Variants in FAM135A observed in about 807,000 individuals in gnomAD.
FAM135A encodes the protein protein FAM135A.
FAM135A carries 79 observed loss-of-function variants against 146.8 expected under a neutral mutation model. The observed-to-expected ratio is 0.54, with a 90% CI of 0.45 to 0.65. The LOEUF is 0.65. Ranked by LOEUF, FAM135A falls within the 30% of genes least tolerant of loss-of-function variation. The pLI, the probability that FAM135A is intolerant of heterozygous loss-of-function variation, is 0.00. For missense variants in FAM135A, 1,623 were observed against 1,758.2 expected (o/e 0.92, Z 1.38); for synonymous variants, 562 against 603.6 (o/e 0.93, Z 1.01).
intron 20 of FAM135A, among the ~76,000 whole-genome samples, chr6:70,554,980 T>G (rs1001747681): frequency 5.9e-5 from 9 of 152,198 alleles, no homozygotes; most frequent in Admixed American, 5.9e-4. Flanking sequence ...GAATTACAGA[T>G]TTAGCTCATT....
chr6:70,499,156 C>T (rs978598259), intron 11 of FAM135A, among the ~76,000 whole-genome samples: 2 of 152,142 alleles, frequency 1.3e-5, no homozygotes, highest in Non-Finnish European at 2.9e-5. Context: ...AATCTGGGTT[C>T]TCCTGTATTG....
rs1175095185 is a variant in FAM135A at position 70,524,678 on chromosome 6, A to G, written c.1594A>G (p.Asn532Asp). 6 of 1,550,908 alleles carry G rather than the reference A, an allele frequency of 3.9e-6. No individual in the cohort carries two copies. The highest frequency in any genetic ancestry group is 3.6e-5 in the South Asian group (3 of 83,832). ...CAAATGTTTGAAAAGTACAGCATCA[A>G]ATGATCTCATTAAATGCTTTGAAGG... is the stretch of plus-strand genomic sequence containing the variant. ...GYKCLKSTAS[N>D]DLIKCFEGNP... is the part of the protein sequence containing the mutation. The change falls in exon 15 of 22, where the codon AAT (asparagine) becomes GAT (aspartate). Residue 532 changes from asparagine (N) to aspartate (D), a missense_variant. Around this residue, in one of 7 missense-constraint regions of FAM135A, gnomAD observed 1,061 missense variants for 1,113.8 expected, o/e 0.95. Transcript: ENST00000418814.
intron 5 of FAM135A, among the ~76,000 whole-genome samples, chr6:70,465,967 C>T (rs1442074697): frequency 6.6e-6 from 1 of 152,108 alleles, no homozygotes; most frequent in Non-Finnish European, 1.5e-5. Context: ...TCAACAAAGC[C>T]TCTCCTGGTT....
At chr6:70,475,801 C>T (rs1782526512) in intron 7 of FAM135A, 68 bp downstream of exon 7, 2 of 1,242,388 alleles carry the variant, frequency 1.6e-6, no homozygotes, top group Non-Finnish European at 2.3e-6. Flanking sequence ...TTAGATTGCC[C>T]ATTTTCCTCT....
In FAM135A at chr6:70,526,367, G is replaced by C. The variant is rs1262008286; in HGVS notation, c.3283G>C (p.Val1095Leu). Reference sequence around the variant, plus strand: ...GGAGGAAGAGCAGGATCAACAAATGGTTCAAAATGGGTACTATGAAGAAAC... The same window carrying C: ...GGAGGAAGAGCAGGATCAACAAATGCTTCAAAATGGGTACTATGAAGAAAC... ...DEEEEQDQQM[V>L]QNGYYEETDY... Residue 1095 changes from valine to leucine, a missense_variant, in exon 15 of 22, where the codon GTT (valine) becomes CTT (leucine). Around this residue, in one of 7 missense-constraint regions of FAM135A, gnomAD observed 1,061 missense variants for 1,113.8 expected, o/e 0.95. Coordinates refer to ENST00000418814, the MANE Select transcript of FAM135A (RefSeq NM_001162529.3). 6.2e-7 allele frequency: 1 copy of C among 1,613,530 alleles called. No individual in the cohort carries two copies. Among genetic ancestry groups the C allele is most frequent in the Admixed American group, 1.7e-5 (1 of 59,964 alleles).
chr6:70,450,864 C>T (rs1776932474), intron 4 of FAM135A, among the ~76,000 whole-genome samples: 1 of 150,698 alleles, frequency 6.6e-6, no homozygotes, highest in Non-Finnish European at 1.5e-5. Flanking sequence ...GCCTCAGCCT[C>T]CCTAGTAGCT....
intron 20 of FAM135A, among the ~76,000 whole-genome samples, chr6:70,549,476 C>A (rs564099616): frequency 6.6e-6 from 1 of 151,848 alleles, no homozygotes; most frequent in African/African-American, 2.4e-5. Context: ...TACAGACATG[C>A]CTTGGAGATA....
chr6:70,514,473 G>T (rs1791747417), intron 12 of FAM135A, among the ~76,000 whole-genome samples: 1 of 152,112 alleles, frequency 6.6e-6, no homozygotes, highest in Non-Finnish European at 1.5e-5. Flanking sequence ...TTCTGAGCCA[G>T]CATGGAAGAG....
intron 12 of FAM135A, among the ~76,000 whole-genome samples, chr6:70,515,601 G>C (rs1030079691): frequency 1.3e-5 from 2 of 152,120 alleles, no homozygotes; most frequent in African/African-American, 4.8e-5. Context: ...AGGGGCTCTG[G>C]GGGACAGAGG....
intron 11 of FAM135A, among the ~76,000 whole-genome samples, chr6:70,493,270 G>C (rs1786459060): frequency 6.6e-6 from 1 of 151,900 alleles, no homozygotes; most frequent in Admixed American, 6.6e-5. Flanking sequence ...ATTTTATTGT[G>C]TTTATGTGAT....
intron 10 of FAM135A, among the ~76,000 whole-genome samples, chr6:70,488,672 CA>C (rs879633324): frequency 3.4e-4 from 51 of 152,044 alleles, no homozygotes; most frequent in Non-Finnish European, 6.6e-4. Flanking sequence ...ATAACATAAA[CA>C]GTTGATTAAT....
intron 4 of FAM135A, among the ~76,000 whole-genome samples, chr6:70,445,880 A>G (rs79431193): frequency 6.6e-6 from 1 of 152,160 alleles, no homozygotes; most frequent in Non-Finnish European, 1.5e-5. Context: ...TATCCCCCTT[A>G]TTTGATTTGC....
chr6:70,439,595 TTAATG>T (rs979722189), intron 4 of FAM135A, among the ~76,000 whole-genome samples: 2 of 152,216 alleles, frequency 1.3e-5, no homozygotes, highest in East Asian at 1.9e-4. Flanking sequence ...CCATTTATAT[TTAATG>T]TAATGGCTGA....
chr6:70,471,485 C>T (rs1163140563), intron 5 of FAM135A, among the ~76,000 whole-genome samples: 2 of 152,088 alleles, frequency 1.3e-5, no homozygotes, highest in Admixed American at 6.6e-5. Context: ...TACACATGTT[C>T]TCACTTATGA....
At chr6:70,522,486 T>C (rs1257828437) in intron 12 of FAM135A, 27 bp from the exon 13 acceptor site, 2 of 1,606,476 alleles carry the variant, frequency 1.2e-6, no homozygotes, top group African/African-American at 1.3e-5. Flanking sequence ...CGTCATGTTA[T>C]TAATACTCTC....
intron 18 of FAM135A, among the ~76,000 whole-genome samples, chr6:70,534,493 T>C (rs1217434334): frequency 6.6e-6 from 1 of 151,610 alleles, no homozygotes; most frequent in Non-Finnish European, 1.5e-5. Context: ...CTAATTTTTG[T>C]AGAGATGGGG....
chr6:70,484,861 G>C (rs986604584), intron 10 of FAM135A, among the ~76,000 whole-genome samples: 1 of 152,160 alleles, frequency 6.6e-6, no homozygotes, highest in Non-Finnish European at 1.5e-5. Flanking sequence ...AATTAGTCTA[G>C]CTTCAGCATG....
intron 13 of FAM135A, 108 bp from the exon 14 acceptor site, chr6:70,523,859 C>T: frequency 2.8e-6 from 3 of 1,071,928 alleles, no homozygotes; most frequent in South Asian, 1.6e-5. Flanking sequence ...TTATGTCTTG[C>T]AGATGAGGGA....
At chr6:70,547,779 A>G (rs1044635257) in intron 20 of FAM135A, among the ~76,000 whole-genome samples, 2 of 152,346 alleles carry the variant, frequency 1.3e-5, no homozygotes, top group East Asian at 1.9e-4. Flanking sequence ...CAATCATGTT[A>G]TTATATAGTC....
Sources: allele counts gnomAD v4.1 joint callset (sites outside exome capture counted in the v4.1 genomes callset), GRCh38; gene constraint gnomAD v4.1.1; regional missense constraint gnomAD v4.1.1; transcripts MANE v1.5; gene names NCBI Gene and HGNC (gene_info 2026-07-23, HGNC 2026-07-21).